Variants in LFNG observed in about 807,000 individuals in gnomAD.
LFNG encodes LFNG O-fucosylpeptide 3-beta-N-acetylglucosaminyltransferase.
Under a neutral mutation model 32.7 loss-of-function variants are expected in LFNG, and 15 were observed. That is an observed-to-expected ratio of 0.46 (90% CI 0.31 to 0.71). LFNG has a LOEUF of 0.71. LFNG is among the 30% of genes least tolerant of loss of function. The pLI is 0.06. For missense variants in LFNG, 520 were observed against 545.7 expected (o/e 0.95, Z 0.47); for synonymous variants, 274 against 246.8 (o/e 1.11, Z -1.03).
intron 1 of LFNG, among the ~76,000 whole-genome samples, chr7:2,521,573 C>T (rs1428667150): frequency 6.6e-6 from 1 of 152,194 alleles, no homozygotes; most frequent in African/African-American, 2.4e-5. Flanking sequence ...CTCTTACTGA[C>T]AGTCCTTTTG....
upstream of LFNG, among the ~76,000 whole-genome samples, chr7:2,516,435 C>G (rs1583269229): frequency 6.6e-6 from 1 of 152,222 alleles, no homozygotes; most frequent in Admixed American, 6.5e-5. Context: ...CAAAGCCAGC[C>G]CCGAGCCCTT....
At position 2,528,148 on chromosome 7, in the gene LFNG, C is replaced by A; in HGVS notation, c.*936C>A. 7 of 985,522 alleles carry A rather than the reference C, an allele frequency of 7.1e-6. No homozygotes were observed. The highest frequency in any genetic ancestry group is 8.4e-6 in the Non-Finnish European group (7 of 829,888). 61.0% of individuals were successfully genotyped at this position (985,522 alleles called of 1,614,324 possible). On this transcript the variant is annotated 3_prime_UTR_variant, in exon 8 of 8. Coordinates refer to ENST00000222725, the MANE Select transcript of LFNG (RefSeq NM_001040167.2). ...AAAAAACAGAAGCCAAACTCGGGGT[C>A]ATCTTTGTTTTTAAAGCTGAAGTGG...
chr7:2,521,093 C>G (rs1359238013), intron 1 of LFNG, among the ~76,000 whole-genome samples: 2 of 152,076 alleles, frequency 1.3e-5, no homozygotes, highest in African/African-American at 4.8e-5. Context: ...GGTGGGGGCT[C>G]AGGGAAGACC....
chr7:2,524,256 C>T (rs973703014), intron 1 of LFNG, among the ~76,000 whole-genome samples: 1 of 152,174 alleles, frequency 6.6e-6, no homozygotes, highest in African/African-American at 2.4e-5. Context: ...CTGTCCCTCC[C>T]GCCACCCCGC....
At chr7:2,517,394 C>T (rs182875111), upstream of LFNG, among the ~76,000 whole-genome samples, 41 of 152,232 alleles carry the variant, frequency 2.7e-4, no homozygotes, top group African/African-American at 8.2e-4. Flanking sequence ...CAGAGAGACG[C>T]GGGAACCCCC....
chr7:2,525,662 G>C (rs1779947515), intron 4 of LFNG, 23 bp from the exon 5 acceptor site: 1 of 1,612,920 alleles, frequency 6.2e-7, no homozygotes, highest in East Asian at 2.2e-5. Context: ...CTGGGTCTCA[G>C]GACACCTTCT....
chr7:2,516,523 A>C (rs1982157), upstream of LFNG, among the ~76,000 whole-genome samples: 104,501 of 152,122 alleles, frequency 0.69, 36,125 homozygotes, highest in Non-Finnish European at 0.73. Context: ...CAGCAGGAGA[A>C]CCCCCGGGCT....
At chr7:2,517,995 G>A, upstream of LFNG, 1 of 926,102 alleles carries the variant, frequency 1.1e-6, no homozygotes, top group South Asian at 2.1e-5. Context: ...AGTGATTCAG[G>A]GAAGAGATGA....
chr7:2,513,921 C>T (rs1779549854), upstream of LFNG, among the ~76,000 whole-genome samples: 1 of 152,248 alleles, frequency 6.6e-6, no homozygotes, highest in Non-Finnish European at 1.5e-5. Flanking sequence ...TGCCGTCCTC[C>T]TGGTGTGGAC....
downstream of LFNG, chr7:2,528,509 G>A (rs1780066661): frequency 1.2e-6 from 1 of 800,924 alleles, no homozygotes; most frequent in African/African-American, 1.9e-5. Flanking sequence ...ACAGGTGAAG[G>A]GGAGGCTTGG....
At chr7:2,517,923 G>A, upstream of LFNG, 1 of 1,156,372 alleles carries the variant, frequency 8.6e-7, no homozygotes, top group Non-Finnish European at 1.1e-6. Context: ...TCCAGCTGCT[G>A]CGTGGAGAAT....
In LFNG at chr7:2,519,794, C is replaced by A. The variant is rs1226953786; in HGVS notation, c.-68C>A. ...GCGCTGCTGGACTGCGCCGCCGGAG[C>A]GACGGGCTTCGGGTCGGTGCAAGGC... is the stretch of plus-strand genomic sequence containing the variant. On this transcript the variant is annotated 5_prime_UTR_variant, in exon 1 of 8. Transcript: ENST00000222725. The A allele has an allele frequency of 1.1e-6, 1 of 929,872 alleles. No individual in the cohort carries two copies. Among genetic ancestry groups the A allele is most frequent in the Non-Finnish European group, 1.3e-6 (1 of 771,628 alleles). 57.6% of individuals were successfully genotyped at this position (929,872 alleles called of 1,614,324 possible). A position where few individuals can be genotyped will look rare whatever the true frequency, so the allele number is the denominator to read the frequency against.
In LFNG at chr7:2,520,312, G is replaced by T. The variant is rs536716091; in HGVS notation, c.432+19G>T. 3.7e-6 allele frequency: 6 copies of T among 1,603,356 alleles called. No individual in the cohort carries two copies. The East Asian group carries it at 1.4e-4, about 37-fold the overall frequency. ...GGAGATGGTGAGCCCCCCGCGGCCTGGACTGGCGGGCGAGCGGGGCGGGGA... is the reference window on the plus strand; with the variant it reads ...GGAGATGGTGAGCCCCCCGCGGCCTTGACTGGCGGGCGAGCGGGGCGGGGA... On this transcript the variant is annotated intron_variant, in intron 1 of 7. Transcript: ENST00000222725. This position sits in a 1 kb window ranked among gnomAD's most constrained non-coding sequence, Gnocchi z 5.0.
At chr7:2,516,005 C>T (rs533357693), upstream of LFNG, among the ~76,000 whole-genome samples, 3 of 152,216 alleles carry the variant, frequency 2.0e-5, no homozygotes, top group Non-Finnish European at 4.4e-5. Context: ...GCTCCTGGGT[C>T]GGGACACTCA....
upstream of LFNG, among the ~76,000 whole-genome samples, chr7:2,514,030 C>T (rs1404686873): frequency 6.6e-6 from 1 of 152,238 alleles, no homozygotes; most frequent in Non-Finnish European, 1.5e-5. Flanking sequence ...TCTGTAAGAC[C>T]AACAGTTAGA....
chr7:2,518,695 G>A, upstream of LFNG: 1 of 1,527,534 alleles, frequency 6.5e-7, no homozygotes, highest in South Asian at 1.2e-5. Context: ...CGGTGGTGGC[G>A]GTGGTGGTCG....
upstream of LFNG, among the ~76,000 whole-genome samples, chr7:2,515,039 CATCCATCTGTCCATCCATCCATCCATCT>C (rs1239351652): frequency 1.7e-4 from 10 of 59,742 alleles, no homozygotes; most frequent in Middle Eastern, 0.014. Context: ...TCCATCCATC[CATCCATCTGTCCATCCATCCATCCATCT>C]GTCCATCCGT....
upstream of LFNG, among the ~76,000 whole-genome samples, chr7:2,516,528 C>T (rs1042237547): frequency 1.2e-4 from 19 of 152,226 alleles, no homozygotes; most frequent in African/African-American, 4.3e-4. Flanking sequence ...GGAGAACCCC[C>T]GGGCTGAGCC....
upstream of LFNG, among the ~76,000 whole-genome samples, chr7:2,519,337 G>A (rs1264380212): frequency 6.6e-6 from 1 of 152,172 alleles, no homozygotes; most frequent in Non-Finnish European, 1.5e-5. Flanking sequence ...TGCTCAGGAG[G>A]GGAAGCGCAC....
Sources: gnomAD v4.1 joint callset for allele counts (sites outside exome capture counted in the v4.1 genomes callset) on GRCh38, gnomAD v4.1.1 for gene constraint, Gnocchi (gnomAD v3.1) non-coding constraint, MANE v1.5 for transcripts, NCBI Gene and HGNC (gene_info 2026-07-23, HGNC 2026-07-21) for gene names.